Variants in ANKRD36C observed in about 807,000 individuals in gnomAD.
ANKRD36C encodes ankyrin repeat domain 36C, also known as ankyrin repeat domain-containing protein 36C.
ANKRD36C carries 61 observed loss-of-function variants against 276.4 expected under a neutral mutation model. The ratio of observed to expected loss-of-function variants is 0.22; its 90% confidence interval spans 0.18 to 0.27. The LOEUF (loss-of-function observed/expected upper bound fraction) is 0.27. Ranked by LOEUF, ANKRD36C falls within the 10% of genes least tolerant of loss-of-function variation. ANKRD36C has a pLI of 1.00. For synonymous variants in ANKRD36C, 483 were observed against 680.1 expected, an observed-to-expected ratio of 0.71 and a Z score of 4.51; for missense variants, 1,447 against 2,032.3, an observed-to-expected ratio of 0.71 and a Z score of 5.54.
chr2:95,901,552 A>G lies in ANKRD36C; in HGVS notation c.2654-2216T>C, dbSNP rs1252579533. 1.4e-3 allele frequency among the ~76,000 whole-genome samples: 11 copies of G among 7,848 alleles called. 1 individual carries two copies. In the East Asian group the frequency reaches 0.024, roughly 17 times the overall value. The allele number at this position is 7,848 out of a possible 152,430, so 5.1% of individuals were successfully genotyped here. On this transcript the variant is annotated intron_variant, in intron 42 of 66. Transcript: ENST00000456556. ...CATACACGTGAGAATCAATGTCAAA[A>G]CAGGTGCTACATGATCCCACATGTC...
Position 95,980,254 on chromosome 2 carries a change from G to A in ANKRD36C, c.731+394C>T, listed in dbSNP as rs576892610. On this transcript the variant is annotated intron_variant, in intron 5 of 66. Coordinates refer to ENST00000456556, the Ensembl canonical transcript of ANKRD36C. ...AAAATTCCATGATCAGGCTATAGTA[G>A]ATGGTCCCCAGTGCACAGCACAAGG... Among the ~76,000 whole-genome samples, 154 of 152,206 alleles carry A rather than the reference G, an allele frequency of 1.0e-3. 1 individual carries two copies. The highest frequency in any genetic ancestry group is 3.6e-3 in the African/African-American group (148 of 41,562).
intron 44 of ANKRD36C, among the ~76,000 whole-genome samples, chr2:95,892,411 C>A (rs904048930): frequency 4.0e-5 from 6 of 151,584 alleles, no homozygotes; most frequent in South Asian, 4.2e-4. Context: ...TTTAATGATA[C>A]CTCGTAGATA....
chr2:95,896,484 T>C (rs989000944), intron 44 of ANKRD36C, among the ~76,000 whole-genome samples: 1 of 149,964 alleles, frequency 6.7e-6, no homozygotes. Flanking sequence ...GAAGTCTCAT[T>C]AAATAGCTAT....
intron 44 of ANKRD36C, among the ~76,000 whole-genome samples, chr2:95,896,090 T>C (rs568936195): frequency 1.3e-5 from 2 of 148,328 alleles, no homozygotes; most frequent in African/African-American, 5.0e-5. Context: ...ACTTAACATA[T>C]CTTCAGTGGA....
chr2:95,920,884 A>G (rs536530324), intron 34 of ANKRD36C, among the ~76,000 whole-genome samples: 4 of 149,742 alleles, frequency 2.7e-5, no homozygotes, highest in African/African-American at 1.0e-4. Context: ...ATTCAAGTTT[A>G]TCTCATTTTT....
intron 52 of ANKRD36C, among the ~76,000 whole-genome samples, chr2:95,884,992 G>A (rs983472744): frequency 2.0e-5 from 3 of 151,918 alleles, no homozygotes; most frequent in Admixed American, 6.6e-5. Context: ...GTATCCACTC[G>A]TTTAGCTTTC....
chr2:95,890,857 A>G (rs1022701005), intron 46 of ANKRD36C, among the ~76,000 whole-genome samples: 2 of 151,492 alleles, frequency 1.3e-5, no homozygotes, highest in Non-Finnish European at 3.0e-5. Flanking sequence ...TGGGAGGACC[A>G]TGTTATTCTT....
chr2:95,886,131 T>A lies in ANKRD36C; in HGVS notation c.3091-11A>T, dbSNP rs1676197473. On this transcript the variant is annotated splice_polypyrimidine_tract_variant and intron_variant, in intron 51 of 66. Transcript: ENST00000456556. ...CTTGACACTTGTAGCCTGAATGGGATTTGAAACAAAATAATCAATACATAA... is the reference window on the plus strand; with the variant it reads ...CTTGACACTTGTAGCCTGAATGGGAATTGAAACAAAATAATCAATACATAA... 1 of 1,605,326 alleles carries A rather than the reference T, an allele frequency of 6.2e-7. No homozygotes were observed.
rs1216754427 is a variant in ANKRD36C at position 95,903,001 on chromosome 2, C to T, written c.2654-3665G>A. On this transcript the variant is annotated intron_variant, in intron 42 of 66. Coordinates refer to ENST00000456556, the Ensembl canonical transcript of ANKRD36C. ...TGCAATAATAAATTAATAAAGTATGCTTCATAGACTATACATTTACTAGTT... is the reference window on the plus strand; with the variant it reads ...TGCAATAATAAATTAATAAAGTATGTTTCATAGACTATACATTTACTAGTT... 493 of 1,564,756 alleles carry T rather than the reference C, an allele frequency of 3.2e-4. 21 individuals are homozygous for T. The highest frequency in any genetic ancestry group is 8.4e-4 in the Admixed American group (46 of 54,690).
intron 4 of ANKRD36C, among the ~76,000 whole-genome samples, chr2:95,981,910 G>A (rs1678930882): frequency 6.6e-6 from 1 of 152,062 alleles, no homozygotes; most frequent in South Asian, 2.1e-4. Flanking sequence ...GCTAATGTAA[G>A]ATCATACAAT....
At chr2:95,926,788 C>T (rs1003539623) in intron 28 of ANKRD36C, among the ~76,000 whole-genome samples, 1 of 151,578 alleles carries the variant, frequency 6.6e-6, no homozygotes, top group African/African-American at 2.4e-5. Context: ...AAAGTCATTG[C>T]TACATCAGTG....
At chr2:95,981,434 T>C (rs964770325) in intron 4 of ANKRD36C, among the ~76,000 whole-genome samples, 1 of 147,800 alleles carries the variant, frequency 6.8e-6, no homozygotes, top group Non-Finnish European at 1.5e-5. Flanking sequence ...TAATATATAG[T>C]ATATTATATA....
intron 5 of ANKRD36C, among the ~76,000 whole-genome samples, chr2:95,978,719 T>A (rs1310928286): frequency 6.6e-6 from 1 of 152,112 alleles, no homozygotes; most frequent in Non-Finnish European, 1.5e-5. Flanking sequence ...TGCTTCAGTT[T>A]AAGAAAAATG....
At chr2:95,902,425 C>T (rs1676680938) in intron 42 of ANKRD36C, among the ~76,000 whole-genome samples, 2 of 150,548 alleles carry the variant, frequency 1.3e-5, no homozygotes, top group Middle Eastern at 3.4e-3. Context: ...TCCTGCCTCA[C>T]AATCCGTCTC....
intron 38 of ANKRD36C, 106 bp downstream of exon 40, chr2:95,915,874 G>A (rs933974518): frequency 2.5e-5 from 35 of 1,410,886 alleles, no homozygotes; most frequent in Admixed American, 8.0e-5. Flanking sequence ...TCTCAGGCCT[G>A]TTGAATCAGA....
chr2:95,950,014 C>T (rs577135401), intron 16 of ANKRD36C, among the ~76,000 whole-genome samples: 12 of 152,282 alleles, frequency 7.9e-5, no homozygotes, highest in African/African-American at 2.9e-4. Flanking sequence ...TAAGAAAAAG[C>T]TTCAGCAAAC....
At chr2:95,906,671 A>G in intron 42 of ANKRD36C, 1 of 129,100 alleles carries the variant, frequency 7.7e-6, no homozygotes. Flanking sequence ...CTCTGGTTAT[A>G]TTTGAAAAAG....
intron 16 of ANKRD36C, among the ~76,000 whole-genome samples, chr2:95,949,329 C>A (rs540621630): frequency 2.0e-4 from 31 of 151,948 alleles, no homozygotes; most frequent in African/African-American, 6.8e-4. Flanking sequence ...AGCTTAAGAA[C>A]CTTCATAGAC....
intron 6 of ANKRD36C, among the ~76,000 whole-genome samples, chr2:95,964,009 ATATATGTGTG>A (rs1203490389): frequency 0.074 from 1,500 of 20,230 alleles, 39 homozygotes; most frequent in Middle Eastern, 0.11. Context: ...ATATATATAT[ATATATGTGTG>A]TGTGTGTCAT....
Sources: gnomAD v4.1 joint callset for allele counts (sites outside exome capture counted in the v4.1 genomes callset) on GRCh38, gnomAD v4.1.1 for gene constraint, MANE v1.5 for transcripts, NCBI Gene and HGNC (gene_info 2026-07-23, HGNC 2026-07-21) for gene names.